MACROD2: variants seen among roughly 807,000 people sequenced by gnomAD.
The protein encoded by MACROD2 is mono-ADP ribosylhydrolase 2, also known as ADP-ribose glycohydrolase MACROD2.
In MACROD2, 36 loss-of-function variants were observed where a neutral mutation model predicts 70.4. That is an observed-to-expected ratio of 0.51 (90% CI 0.39 to 0.68). MACROD2 has a LOEUF of 0.68. MACROD2 is among the 30% of genes least tolerant of loss of function. MACROD2 has a pLI of 0.00. For synonymous variants in MACROD2, 172 were observed against 178.8 expected (o/e 0.96, Z 0.30); for missense variants, 496 against 538.4 (o/e 0.92, Z 0.78).
At chr20:15,217,945 G>T (rs565030603) in intron 5 of MACROD2, among the ~76,000 whole-genome samples, 3 of 151,986 alleles carry the variant, frequency 2.0e-5, no homozygotes, top group Admixed American at 6.6e-5. Context: ...TCTTAGTCTC[G>T]TAATGAATTA....
chr20:15,937,315 C>G (rs2147330563), intron 11 of MACROD2, among the ~76,000 whole-genome samples, 161 bp from the exon 12 acceptor site: 1 of 152,220 alleles, frequency 6.6e-6, no homozygotes, highest in East Asian at 1.9e-4. Context: ...AAAAGAGAGT[C>G]CCAAACCACT....
At chr20:15,234,022 T>TG (rs2076989456) in intron 6 of MACROD2, among the ~76,000 whole-genome samples, 1 of 17,380 alleles carries the variant, frequency 5.8e-5, no homozygotes, top group Non-Finnish European at 1.1e-4. Context: ...CTTTTTTTTT[T>TG]TTTTTTTTTT....
chr20:14,117,903 G>T (rs917046960), intron 3 of MACROD2, among the ~76,000 whole-genome samples: 2 of 152,098 alleles, frequency 1.3e-5, no homozygotes, highest in Non-Finnish European at 2.9e-5. Flanking sequence ...AATCCCTGGG[G>T]CTATAAATTT....
chr20:14,005,567 G>A (rs1308469130), intron 2 of MACROD2, among the ~76,000 whole-genome samples: 3 of 151,548 alleles, frequency 2.0e-5, no homozygotes, highest in African/African-American at 4.8e-5. Flanking sequence ...TGCCTGAAGA[G>A]TTAATAATCT....
chr20:14,258,150 G>T (rs1394261792), intron 3 of MACROD2, among the ~76,000 whole-genome samples: 4 of 152,104 alleles, frequency 2.6e-5, no homozygotes, highest in African/African-American at 4.8e-5. Flanking sequence ...GGGCATTTGG[G>T]TTGGTTCCAT....
chr20:15,626,124 A>G (rs1477390077), intron 8 of MACROD2, among the ~76,000 whole-genome samples: 1 of 152,166 alleles, frequency 6.6e-6, no homozygotes, highest in Non-Finnish European at 1.5e-5. Context: ...CCAAGGGAAA[A>G]CTGGCAGAAA....
At position 14,411,946 on chromosome 20, in the gene MACROD2, A is replaced by G. The variant is rs116428053; in HGVS notation, c.272-81533A>G. Among the ~76,000 whole-genome samples the G allele has an allele frequency of 2.5e-3, 383 of 152,300 alleles. 5 individuals are homozygous for G. Among genetic ancestry groups the G allele is most frequent in the African/African-American group, 8.8e-3 (367 of 41,568 alleles). ...AATTTTCTATTATTTTATTATACAC[A>G]GCAATTAAACATCATTTTCTTTCAA... On this transcript the variant is annotated intron_variant, in intron 3 of 17. Coordinates refer to ENST00000684519, the MANE Select transcript of MACROD2 (RefSeq NM_001351661.2).
At chr20:15,049,863 G>A (rs1350828843) in intron 5 of MACROD2, among the ~76,000 whole-genome samples, 4 of 151,584 alleles carry the variant, frequency 2.6e-5, no homozygotes, top group East Asian at 3.9e-4. Context: ...CAGGAGAATC[G>A]CTTGAACCCA....
intron 5 of MACROD2, among the ~76,000 whole-genome samples, chr20:15,088,397 TTATATATATATATATATATATA>T (rs71190173): frequency 0.027 from 2,965 of 111,016 alleles, 91 homozygotes; most frequent in African/African-American, 0.056. Flanking sequence ...ATACTATATT[TTATATATATATATATATATATA>T]TATATATATA....
chr20:15,611,594 G>A (rs897312696), intron 8 of MACROD2, among the ~76,000 whole-genome samples: 1 of 151,734 alleles, frequency 6.6e-6, no homozygotes, highest in African/African-American at 2.4e-5. Context: ...CAGTCCCATG[G>A]GAGTGAATAT....
intron 8 of MACROD2, among the ~76,000 whole-genome samples, chr20:15,714,233 G>A (rs974781901): frequency 1.3e-5 from 2 of 152,166 alleles, no homozygotes; most frequent in African/African-American, 4.8e-5. Context: ...GATGATTTAA[G>A]TAGATCTGTA....
rs186788344 is a variant in MACROD2 at position 15,345,359 on chromosome 20, A to T, written c.541-86046A>T. On this transcript the variant is annotated intron_variant, in intron 6 of 17. Coordinates refer to ENST00000684519, the MANE Select transcript of MACROD2 (RefSeq NM_001351661.2). Reference sequence around the variant, plus strand: ...TATTTATCAGTGAACAAAATAGACAATGATCTCTGATTTTAATTGTCTGTA... The same window carrying T: ...TATTTATCAGTGAACAAAATAGACATTGATCTCTGATTTTAATTGTCTGTA... Among the ~76,000 whole-genome samples the T allele has an allele frequency of 1.2e-3, 177 of 152,354 alleles. 1 individual carries two copies. The highest frequency in any genetic ancestry group is 4.0e-3 in the African/African-American group (168 of 41,584).
rs951234295 is a variant in MACROD2 at position 15,352,234 on chromosome 20, A to G, written c.541-79171A>G. Among the ~76,000 whole-genome samples, 8 of 151,916 alleles carry G rather than the reference A, an allele frequency of 5.3e-5. 1 individual carries two copies. Among genetic ancestry groups the G allele is most frequent in the Admixed American group, 5.3e-4 (8 of 15,224 alleles). On this transcript the variant is annotated intron_variant, in intron 6 of 17. Coordinates refer to ENST00000684519, the MANE Select transcript of MACROD2 (RefSeq NM_001351661.2). Reference sequence around the variant, plus strand: ...CTTTACAGGACTTGCAAGACCCATTATTTCTCCCTGTGTTTCCTTATCATA... The same window carrying G: ...CTTTACAGGACTTGCAAGACCCATTGTTTCTCCCTGTGTTTCCTTATCATA...
At chr20:14,248,904 A>G (rs1007436849) in intron 3 of MACROD2, among the ~76,000 whole-genome samples, 6 of 152,106 alleles carry the variant, frequency 3.9e-5, no homozygotes, top group Non-Finnish European at 1.5e-5. Flanking sequence ...TTAAAAATAC[A>G]TTGTCTCTAG....
intron 2 of MACROD2, among the ~76,000 whole-genome samples, chr20:14,048,150 A>G (rs577709712): frequency 4.9e-4 from 74 of 152,298 alleles, no homozygotes; most frequent in African/African-American, 1.7e-3. Flanking sequence ...GTCAGAGATA[A>G]TGATTATTGC....
intron 7 of MACROD2, among the ~76,000 whole-genome samples, chr20:15,463,607 G>A (rs146221154): frequency 9.9e-5 from 15 of 152,116 alleles, no homozygotes; most frequent in African/African-American, 3.6e-4. Context: ...AAACTAGCTG[G>A]GTGTGGTGGT....
At chr20:15,827,083 GAAACTGTTTTCAA>G (rs1275361489) in intron 8 of MACROD2, among the ~76,000 whole-genome samples, 1 of 152,096 alleles carries the variant, frequency 6.6e-6, no homozygotes, top group Admixed American at 6.6e-5. Flanking sequence ...TTCTTCCTTA[GAAACTGTTTTCAA>G]AAACTGCCAT....
At position 15,812,071 on chromosome 20, in the gene MACROD2, G is replaced by T. The variant is rs117725491; in HGVS notation, c.646-50674G>T. ...GTATTGTAACCCCAAATGTCTGAACGTTCTGCAATATGAAGCATGCTTTGC... is the reference window on the plus strand; with the variant it reads ...GTATTGTAACCCCAAATGTCTGAACTTTCTGCAATATGAAGCATGCTTTGC... On this transcript the variant is annotated intron_variant, in intron 8 of 17. Coordinates refer to ENST00000684519, the MANE Select transcript of MACROD2 (RefSeq NM_001351661.2). Among the ~76,000 whole-genome samples the T allele has an allele frequency of 1.1e-4, 17 of 152,312 alleles. No homozygotes were observed. In the East Asian group the frequency reaches 2.7e-3, roughly 24 times the overall value.
At chr20:14,816,420 A>ATG (rs964486079) in intron 5 of MACROD2, among the ~76,000 whole-genome samples, 1 of 152,098 alleles carries the variant, frequency 6.6e-6, no homozygotes, top group Non-Finnish European at 1.5e-5. Flanking sequence ...GCCCAGATCC[A>ATG]TGAAGGTATC....
Sources: gnomAD v4.1 joint callset for allele counts (sites outside exome capture counted in the v4.1 genomes callset) on GRCh38, gnomAD v4.1.1 for gene constraint, MANE v1.5 for transcripts, NCBI Gene and HGNC (gene_info 2026-07-23, HGNC 2026-07-21) for gene names.